NRCAM: variants seen among roughly 807,000 people sequenced by gnomAD.
NRCAM encodes NgCAM-related cell adhesion molecule.
NRCAM carries 83 observed loss-of-function variants against 156.5 expected under a neutral mutation model. The ratio of observed to expected loss-of-function variants is 0.53; its 90% CI spans 0.44 to 0.64. The LOEUF is 0.64. Ranked by LOEUF, NRCAM falls within the 30% of genes least tolerant of loss-of-function variation. The pLI, the probability that NRCAM is intolerant of heterozygous loss-of-function variation, is 0.00. For missense variants in NRCAM, 1,417 were observed against 1,597.3 expected (o/e 0.89, Z 1.92); for synonymous variants, 538 against 563.9 (o/e 0.95, Z 0.65).
chr7:108,293,216 G>A (rs2098359753), intron 3 of NRCAM, among the ~76,000 whole-genome samples: 1 of 152,170 alleles, frequency 6.6e-6, no homozygotes. Context: ...TCATAGGCCT[G>A]ACCCCAACTG....
chr7:108,254,307 T>G (rs2153939365), intron 3 of NRCAM, among the ~76,000 whole-genome samples: 1 of 152,298 alleles, frequency 6.6e-6, no homozygotes, highest in South Asian at 2.1e-4. Flanking sequence ...AAAATTTCAT[T>G]AGAGATTTCT....
intron 2 of NRCAM, among the ~76,000 whole-genome samples, chr7:108,370,061 AACTGCTGACC>A (rs2099618599): frequency 6.6e-6 from 1 of 152,168 alleles, no homozygotes; most frequent in African/African-American, 2.4e-5. Flanking sequence ...ATTCTGATGA[AACTGCTGACC>A]TATTTTCTAG....
At chr7:108,229,323 T>C (rs541027010) in intron 8 of NRCAM, among the ~76,000 whole-genome samples, 2 of 152,316 alleles carry the variant, frequency 1.3e-5, no homozygotes, top group Admixed American at 1.3e-4. Flanking sequence ...ACTACAGTGA[T>C]GTGATTGTAG....
At chr7:108,228,325 C>CA (rs372234122) in intron 8 of NRCAM, among the ~76,000 whole-genome samples, 35,505 of 143,894 alleles carry the variant, frequency 0.25, 4,371 homozygotes, top group Non-Finnish European at 0.29. Context: ...CCATCTAAAA[C>CA]AAAAAAAAAA....
In NRCAM at chr7:108,450,494, A is replaced by T. The variant is rs551960700; in HGVS notation, c.-332+5749T>A. ...TGGTAGGGAGAAATGCCCAATGTGG[A>T]ACTATAATTTACAATGCCAGTACAT... is the stretch of plus-strand genomic sequence containing the variant. On this transcript the variant is annotated intron_variant, in intron 1 of 32. Coordinates refer to ENST00000379028, the MANE Select transcript of NRCAM (RefSeq NM_001037132.4). 7.9e-5 allele frequency among the ~76,000 whole-genome samples: 12 copies of T among 152,258 alleles called. No individual in the cohort carries two copies. In the South Asian group the frequency reaches 2.5e-3, roughly 32 times the overall value.
chr7:108,284,114 G>GC (rs1321582926), intron 3 of NRCAM, among the ~76,000 whole-genome samples: 1 of 152,054 alleles, frequency 6.6e-6, no homozygotes, highest in Non-Finnish European at 1.5e-5. Flanking sequence ...AAGCCATTAT[G>GC]CCCAGCCTCT....
intron 1 of NRCAM, among the ~76,000 whole-genome samples, chr7:108,401,284 T>C (rs537255530): frequency 7.7e-4 from 117 of 151,982 alleles, no homozygotes; most frequent in African/African-American, 2.0e-3. Context: ...CTCACACCTG[T>C]AATCCCACCA....
chr7:108,178,062 G>C lies in NRCAM; in HGVS notation c.2902C>G (p.Leu968Val). 1.2e-6 allele frequency: 2 copies of C among 1,613,760 alleles called. No homozygotes were observed. Among genetic ancestry groups the C allele is most frequent in the Non-Finnish European group, 1.7e-6 (2 of 1,179,770 alleles). The change falls in exon 26 of 33, where the codon CTC becomes GTC. Residue 968 changes from leucine to valine, a missense_variant. Leu to Val is a conservative substitution (Grantham distance 32, BLOSUM62 1). This residue lies in a region of NRCAM where 1,238 missense variants were observed against 1,336.4 expected (regional missense o/e 0.93). Transcript: ENST00000379028. Reference protein sequence around the residue: ...LKIVNPTLDSLTLEWDPPSHP... With the variant: ...LKIVNPTLDSVTLEWDPPSHP... ...CTCGGTGGATCCCATTCCAAAGTGA[G>C]AGAGTCCAGTGTTGGATTCACAATC...
intron 3 of NRCAM, among the ~76,000 whole-genome samples, chr7:108,305,834 T>C (rs948645350): frequency 2.0e-5 from 3 of 152,218 alleles, no homozygotes; most frequent in Non-Finnish European, 4.4e-5. Context: ...ATCGTATAAT[T>C]AAAAGTTATC....
chr7:108,353,107 C>A (rs2099431363), intron 2 of NRCAM, among the ~76,000 whole-genome samples: 2 of 151,686 alleles, frequency 1.3e-5, no homozygotes, highest in African/African-American at 4.8e-5. Flanking sequence ...CCATGGCCAA[C>A]CCTGATCATA....
At chr7:108,422,852 A>G (rs1304317895) in intron 1 of NRCAM, among the ~76,000 whole-genome samples, 2 of 152,176 alleles carry the variant, frequency 1.3e-5, no homozygotes, top group Non-Finnish European at 2.9e-5. Flanking sequence ...TTCTGTAGTG[A>G]AAGAGTTACC....
intron 2 of NRCAM, among the ~76,000 whole-genome samples, chr7:108,322,239 T>G (rs1234859844): frequency 6.6e-6 from 1 of 152,214 alleles, no homozygotes; most frequent in African/African-American, 2.4e-5. Flanking sequence ...GATACAGACA[T>G]GAACTTACAA....
intron 1 of NRCAM, among the ~76,000 whole-genome samples, chr7:108,432,030 G>C (rs555970526): frequency 3.5e-4 from 53 of 152,276 alleles, no homozygotes; most frequent in Middle Eastern, 3.4e-3. Flanking sequence ...TAGCAGGGGA[G>C]GGAAGAAGAC....
At chr7:108,265,126 T>G (rs2097047627) in intron 3 of NRCAM, among the ~76,000 whole-genome samples, 1 of 152,168 alleles carries the variant, frequency 6.6e-6, no homozygotes, top group Admixed American at 6.5e-5. Context: ...TACAGGGCTT[T>G]GGGAGACAGA....
chr7:108,443,887 G>GATAC (rs1440419210), intron 1 of NRCAM, among the ~76,000 whole-genome samples: 25 of 150,804 alleles, frequency 1.7e-4, no homozygotes, highest in South Asian at 1.5e-3. Flanking sequence ...GATATAGATA[G>GATAC]ATAGATACAT....
chr7:108,412,631 C>T (rs569187641), intron 1 of NRCAM, among the ~76,000 whole-genome samples: 3 of 152,182 alleles, frequency 2.0e-5, no homozygotes, highest in South Asian at 4.2e-4. Flanking sequence ...TGTTTTATAA[C>T]AGATCTCTTG....
chr7:108,324,299 T>C (rs958020374), intron 2 of NRCAM, among the ~76,000 whole-genome samples: 5 of 152,210 alleles, frequency 3.3e-5, no homozygotes, highest in Non-Finnish European at 7.3e-5. Context: ...GTTTCACAGC[T>C]TTCAATTATT....
At chr7:108,207,950 T>C (rs2082020711) in intron 12 of NRCAM, among the ~76,000 whole-genome samples, 1 of 152,100 alleles carries the variant, frequency 6.6e-6, no homozygotes, top group Non-Finnish European at 1.5e-5. Flanking sequence ...GACAGATTTA[T>C]CTAAGCATAC....
intron 1 of NRCAM, among the ~76,000 whole-genome samples, chr7:108,435,175 A>T (rs1830577116): frequency 6.6e-6 from 1 of 152,232 alleles, no homozygotes; most frequent in Admixed American, 6.5e-5. Flanking sequence ...TCTGATGCCA[A>T]TTTCTCAACT....
Sources: allele counts gnomAD v4.1 joint callset (sites outside exome capture counted in the v4.1 genomes callset), GRCh38; gene constraint gnomAD v4.1.1; regional missense constraint gnomAD v4.1.1; transcripts MANE v1.5; gene names NCBI Gene and HGNC (gene_info 2026-07-23, HGNC 2026-07-21).